Variants in CTNNA2 observed in about 807,000 individuals in gnomAD.
CTNNA2 encodes the protein catenin alpha 2.
Under a neutral mutation model 101.0 loss-of-function variants are expected in CTNNA2, and 42 were observed. The ratio of observed to expected loss-of-function variants is 0.42; its 90% CI spans 0.32 to 0.54. CTNNA2 has a LOEUF of 0.54. Among genes scored for constraint, CTNNA2 ranks in the 20% least tolerant of loss-of-function variants. CTNNA2 has a pLI of 0.14. For missense variants in CTNNA2, 871 were observed against 1,223.1 expected (o/e 0.71, Z 4.29); for synonymous variants, 450 against 456.4 (o/e 0.99, Z 0.18).
At chr2:79,703,079 A>T (rs1381123526) in intron 2 of CTNNA2, among the ~76,000 whole-genome samples, 3 of 152,184 alleles carry the variant, frequency 2.0e-5, no homozygotes, top group Non-Finnish European at 4.4e-5. Flanking sequence ...AGACATCTAA[A>T]ATCTGAAACA....
At position 79,654,242 on chromosome 2, in the gene CTNNA2, C is replaced by T. The variant is rs772320220; in HGVS notation, c.102+2584C>T. Among the ~76,000 whole-genome samples the T allele has an allele frequency of 1.1e-4, 16 of 152,342 alleles. No homozygotes were observed. The East Asian group carries it at 1.7e-3, about 17-fold the overall frequency. On this transcript the variant is annotated intron_variant, in intron 2 of 18. Transcript: ENST00000402739. ...ATTTTTAGGTATTTGTTACTAGCAG[C>T]GCCCCACTTCCAAGTACCAAAATCT...
At chr2:80,505,810 C>CT (rs1688233416) in intron 9 of CTNNA2, among the ~76,000 whole-genome samples, 3 of 152,180 alleles carry the variant, frequency 2.0e-5, no homozygotes. Flanking sequence ...TTTCCAGGTG[C>CT]TTGCTTTCTT....
intron 7 of CTNNA2, among the ~76,000 whole-genome samples, chr2:80,193,704 T>C (rs979016002): frequency 5.3e-5 from 8 of 152,300 alleles, no homozygotes; most frequent in Admixed American, 2.0e-4. Context: ...TGGTTTGAGC[T>C]CTTATCATGT....
intron 9 of CTNNA2, among the ~76,000 whole-genome samples, chr2:80,526,844 T>C (rs946071403): frequency 1.2e-4 from 18 of 152,238 alleles, no homozygotes; most frequent in African/African-American, 4.3e-4. Flanking sequence ...CCTTAAGCAC[T>C]GCATAGGTAT....
At chr2:79,309,370 T>C (rs189795757) in intron 2 of CTNNA2, among the ~76,000 whole-genome samples, 1 of 152,276 alleles carries the variant, frequency 6.6e-6, no homozygotes, top group Non-Finnish European at 1.5e-5. Context: ...AAAATCTCAA[T>C]TGGCTTTATT....
At chr2:79,370,825 A>T (rs756613298) in intron 3 of CTNNA2, among the ~76,000 whole-genome samples, 1 of 152,174 alleles carries the variant, frequency 6.6e-6, no homozygotes, top group Non-Finnish European at 1.5e-5. Flanking sequence ...CAGAGTCCAG[A>T]TGTAGTCCTC....
intron 7 of CTNNA2, among the ~76,000 whole-genome samples, chr2:79,939,388 T>C (rs1687997425): frequency 6.6e-6 from 1 of 152,224 alleles, no homozygotes; most frequent in Non-Finnish European, 1.5e-5. Flanking sequence ...GGAATAAATA[T>C]ATTCAAATGA....
intron 6 of CTNNA2, among the ~76,000 whole-genome samples, chr2:79,887,096 C>T (rs759073336): frequency 4.6e-5 from 7 of 152,184 alleles, no homozygotes; most frequent in Middle Eastern, 3.4e-3. Flanking sequence ...GGATTACAGG[C>T]GTGAGCCACA....
In CTNNA2 at chr2:80,303,176, T is replaced by A; in HGVS notation, c.1057-90035T>A. 1.2e-6 allele frequency: 2 copies of A among 1,614,004 alleles called. No homozygotes were observed. Among genetic ancestry groups the A allele is most frequent in the Non-Finnish European group, 1.7e-6 (2 of 1,179,972 alleles). On this transcript the variant is annotated intron_variant, in intron 7 of 18. Coordinates refer to ENST00000402739, the MANE Select transcript of CTNNA2 (RefSeq NM_001282597.3). This position sits in a 1 kb window ranked among gnomAD's most constrained non-coding sequence, Gnocchi z 7.7. ...CTTGACCAAGTCGTTGTGCTCGAGG[T>A]GCAGCTCGGTGAGCTTAAACAAGCC...
chr2:79,810,246 G>A (rs56213527), intron 3 of CTNNA2, among the ~76,000 whole-genome samples: 29,679 of 152,032 alleles, frequency 0.2, 3,346 homozygotes, highest in African/African-American at 0.31. Context: ...CACATGGGTG[G>A]GGAGGCCTCA....
intron 15 of CTNNA2, among the ~76,000 whole-genome samples, chr2:80,589,903 T>TGTGCGTGC (rs147261127): frequency 6.9e-6 from 1 of 144,410 alleles, no homozygotes; most frequent in African/African-American, 2.5e-5. Flanking sequence ...TGTGTGTGTG[T>TGTGCGTGC]GTGCGCGCGC....
At chr2:80,157,182 C>T (rs919670638) in intron 7 of CTNNA2, among the ~76,000 whole-genome samples, 3 of 152,120 alleles carry the variant, frequency 2.0e-5, no homozygotes, top group Non-Finnish European at 4.4e-5. Context: ...AAAATATGTT[C>T]TTTCATCCTC....
intron 1 of CTNNA2, among the ~76,000 whole-genome samples, chr2:79,630,219 T>C (rs549666422): frequency 1.8e-4 from 28 of 152,340 alleles, no homozygotes; most frequent in African/African-American, 6.3e-4. Flanking sequence ...CAAGTGGCAC[T>C]GTAAGGCATG....
At chr2:80,228,623 T>C (rs1709026361) in intron 7 of CTNNA2, among the ~76,000 whole-genome samples, 1 of 152,170 alleles carries the variant, frequency 6.6e-6, no homozygotes, top group Non-Finnish European at 1.5e-5. Flanking sequence ...TCATTTGGTG[T>C]CACAAGAAAC....
At chr2:80,088,999 A>G (rs1573039110) in intron 7 of CTNNA2, among the ~76,000 whole-genome samples, 1 of 151,974 alleles carries the variant, frequency 6.6e-6, no homozygotes, top group Admixed American at 6.6e-5. Context: ...AAATAAACCC[A>G]TTTCACTGTG....
chr2:79,442,090 A>C (rs1310302529), intron 4 of CTNNA2, among the ~76,000 whole-genome samples: 1 of 152,134 alleles, frequency 6.6e-6, no homozygotes, highest in Non-Finnish European at 1.5e-5. Flanking sequence ...TAATTGTTTT[A>C]AGTATTTATT....
intron 8 of CTNNA2, among the ~76,000 whole-genome samples, chr2:80,412,217 A>C (rs1264912884): frequency 6.6e-6 from 1 of 152,200 alleles, no homozygotes; most frequent in Non-Finnish European, 1.5e-5. Flanking sequence ...TAAAGGAGGA[A>C]TTTGACACTG....
intron 2 of CTNNA2, among the ~76,000 whole-genome samples, chr2:79,743,087 T>A (rs2104983875): frequency 6.6e-6 from 1 of 152,254 alleles, no homozygotes; most frequent in South Asian, 2.1e-4. Flanking sequence ...CTGGCTTTCT[T>A]AATAACCTCC....
chr2:79,334,753 T>A (rs1558632022), intron 3 of CTNNA2, among the ~76,000 whole-genome samples: 2 of 152,174 alleles, frequency 1.3e-5, no homozygotes, highest in Non-Finnish European at 2.9e-5. Flanking sequence ...AGAGAACTGA[T>A]AAGATAATGC....
Sources: allele counts gnomAD v4.1 joint callset (sites outside exome capture counted in the v4.1 genomes callset), GRCh38; gene constraint gnomAD v4.1.1; non-coding constraint Gnocchi (gnomAD v3.1); transcripts MANE v1.5; gene names NCBI Gene and HGNC (gene_info 2026-07-23, HGNC 2026-07-21).